Variants in EPB41 observed in about 807,000 individuals in gnomAD.
EPB41 encodes erythrocyte membrane protein band 4.1.
In EPB41, 65 loss-of-function variants were observed where a neutral mutation model predicts 108.0. The ratio of observed to expected loss-of-function variants is 0.60; its 90% CI spans 0.49 to 0.74. The LOEUF (loss-of-function observed/expected upper bound fraction) is 0.74. Among genes scored for constraint, EPB41 ranks in the 30% least tolerant of loss-of-function variants. The pLI is 0.00. For synonymous variants in EPB41, 336 were observed against 358.9 expected, an observed-to-expected ratio of 0.94 and a Z score of 0.72; for missense variants, 875 against 1,037.0, an observed-to-expected ratio of 0.84 and a Z score of 2.15.
At chr1:29,072,310 A>G (rs1457503734) in intron 16 of EPB41, 1 of 152,192 alleles carries the variant, frequency 6.6e-6, no homozygotes, top group Non-Finnish European at 1.5e-5. Flanking sequence ...TATCTGGGAA[A>G]TAAAGATACA....
intron 2 of EPB41, 54 bp from the exon 3 acceptor site, chr1:28,993,276 G>A (rs570926966): frequency 7.2e-7 from 1 of 1,386,936 alleles, no homozygotes; most frequent in African/African-American, 1.4e-5. Flanking sequence ...AGCATATACA[G>A]CATGTTTTGT....
chr1:29,013,584 T>G (rs2096536999), intron 5 of EPB41, among the ~76,000 whole-genome samples: 1 of 152,134 alleles, frequency 6.6e-6, no homozygotes. Context: ...TGGAGTACAA[T>G]GGTGTGATTT....
intron 4 of EPB41, among the ~76,000 whole-genome samples, chr1:29,010,439 G>T (rs1183245017): frequency 2.0e-5 from 3 of 152,176 alleles, no homozygotes; most frequent in African/African-American, 7.2e-5. Flanking sequence ...TGAGGTGCTA[G>T]TAATGTTATA....
intron 1 of EPB41, among the ~76,000 whole-genome samples, chr1:28,958,329 A>T (rs886190460): frequency 2.0e-5 from 3 of 151,948 alleles, no homozygotes; most frequent in African/African-American, 7.3e-5. Context: ...TGCACCTGTA[A>T]CCCAGCTACT....
chr1:28,960,576 A>C (rs2149125301), intron 1 of EPB41, among the ~76,000 whole-genome samples: 1 of 150,976 alleles, frequency 6.6e-6, no homozygotes, highest in Middle Eastern at 3.4e-3. Context: ...AAAAAAAAAA[A>C]AAAAAACTTA....
chr1:28,950,817 A>G (rs1366508576), intron 1 of EPB41, among the ~76,000 whole-genome samples: 1 of 152,148 alleles, frequency 6.6e-6, no homozygotes, highest in Non-Finnish European at 1.5e-5. Context: ...AGACATCTTG[A>G]ACAGGCACCT....
intron 9 of EPB41, 87 bp from the exon 10 acceptor site, chr1:29,035,739 C>T: frequency 2.0e-6 from 2 of 996,876 alleles, no homozygotes; most frequent in South Asian, 2.7e-5. Context: ...TTCTGTGGCA[C>T]CATATTTCTC....
intron 1 of EPB41, chr1:28,889,813 C>T (rs946124386): frequency 3.0e-6 from 3 of 985,248 alleles, no homozygotes; most frequent in Non-Finnish European, 3.6e-6. Flanking sequence ...TTCTCTAAGC[C>T]TTTCTTGAGC....
At position 29,096,427 on chromosome 1, in the gene EPB41, G is replaced by A. The variant is rs548288053; in HGVS notation, c.2185-1380G>A. The stretch of plus-strand genomic sequence containing the variant: ...GGGGATGTATAGGAGTGGAGGAACA[G>A]GCCAGTGCCTTAAAGTTCTCAGTAA... On this transcript the variant is annotated intron_variant, in intron 16 of 20. Coordinates refer to ENST00000343067, the MANE Select transcript of EPB41 (RefSeq NM_001376013.1). 3 of 985,902 alleles carry A rather than the reference G, an allele frequency of 3.0e-6. No individual in the cohort carries two copies. The Admixed American group carries it at 1.8e-4, about 61-fold the overall frequency. 61.1% of individuals were successfully genotyped at this position (985,902 alleles called of 1,614,324 possible).
intron 3 of EPB41, among the ~76,000 whole-genome samples, chr1:28,994,126 T>C (rs1374925580): frequency 1.3e-5 from 2 of 152,138 alleles, no homozygotes; most frequent in South Asian, 2.1e-4. Flanking sequence ...ATCAGAGTTA[T>C]TCAGTTACTC....
chr1:28,895,241 G>A (rs147256401), intron 1 of EPB41, among the ~76,000 whole-genome samples: 1 of 152,100 alleles, frequency 6.6e-6, no homozygotes, highest in Non-Finnish European at 1.5e-5. Flanking sequence ...GGGAGCCTGG[G>A]ACTCACTAGT....
chr1:29,099,535 C>A (rs1664530505), intron 17 of EPB41, among the ~76,000 whole-genome samples: 1 of 152,134 alleles, frequency 6.6e-6, no homozygotes, highest in African/African-American at 2.4e-5. Context: ...CCTGGCTGAT[C>A]TCAAATTCCT....
chr1:29,061,580 T>G (rs1646563914), intron 15 of EPB41, among the ~76,000 whole-genome samples: 1 of 135,144 alleles, frequency 7.4e-6, no homozygotes, highest in Non-Finnish European at 1.6e-5. Context: ...TTGTTTTTTT[T>G]TTTTTTTTTT....
At chr1:28,988,268 G>T (rs1280266179) in intron 2 of EPB41, among the ~76,000 whole-genome samples, 1 of 152,090 alleles carries the variant, frequency 6.6e-6, no homozygotes, top group Non-Finnish European at 1.5e-5. Context: ...CTCAACAACG[G>T]GGGGATAAAA....
intron 16 of EPB41, chr1:29,070,675 A>C (rs1650921157): frequency 1.6e-6 from 2 of 1,231,566 alleles, no homozygotes; most frequent in African/African-American, 3.1e-5. Flanking sequence ...CCTTGGCTTC[A>C]ACTGTGTTAT....
intron 17 of EPB41, among the ~76,000 whole-genome samples, chr1:29,105,081 G>C (rs1452112734): frequency 1.3e-5 from 2 of 152,146 alleles, no homozygotes; most frequent in Admixed American, 6.6e-5. Flanking sequence ...TTAGGATACA[G>C]AACATTACCC....
intron 1 of EPB41, among the ~76,000 whole-genome samples, chr1:28,931,699 T>G (rs1340992325): frequency 6.6e-6 from 1 of 151,912 alleles, no homozygotes; most frequent in Non-Finnish European, 1.5e-5. Context: ...TGGCTGATTT[T>G]TTTTTTTTGT....
At chr1:29,053,522 T>C (rs1573183270) in intron 12 of EPB41, 2 of 619,620 alleles carry the variant, frequency 3.2e-6, no homozygotes, top group East Asian at 5.9e-5. Flanking sequence ...TCAGAAGTTA[T>C]AAGGTGACCC....
intron 11 of EPB41, among the ~76,000 whole-genome samples, chr1:29,046,798 C>A (rs1425123686): frequency 6.6e-6 from 1 of 151,996 alleles, no homozygotes; most frequent in Non-Finnish European, 1.5e-5. Context: ...AATGATTTTT[C>A]TCCTTTTTAT....
Sources: gnomAD v4.1 joint callset for allele counts (sites outside exome capture counted in the v4.1 genomes callset) on GRCh38, gnomAD v4.1.1 for gene constraint, MANE v1.5 for transcripts, NCBI Gene and HGNC (gene_info 2026-07-23, HGNC 2026-07-21) for gene names.